Variants in RPS6KA2 observed in about 807,000 individuals in gnomAD.
RPS6KA2 encodes the protein ribosomal protein S6 kinase A2.
RPS6KA2 carries 42 observed loss-of-function variants against 91.8 expected under a neutral mutation model. That is an observed-to-expected ratio of 0.46 (90% CI 0.36 to 0.59). The LOEUF (loss-of-function observed/expected upper bound fraction) is 0.59. RPS6KA2 is among the 20% of genes least tolerant of loss of function. The pLI, the probability that RPS6KA2 is intolerant of heterozygous loss-of-function variation, is 0.00. For synonymous variants in RPS6KA2, 414 were observed against 393.6 expected (o/e 1.05, Z -0.61); for missense variants, 798 against 978.5 (o/e 0.82, Z 2.46).
At position 166,431,518 on chromosome 6, in the gene RPS6KA2, C is replaced by T. The variant is rs1164257741; in HGVS notation, c.1422+883G>A. Reference sequence around the variant, plus strand: ...CCAGGGCGAAGTTACATATCAGAGCCGTGCTGTTGCTTCAGAGAAGCAATA... The same window carrying T: ...CCAGGGCGAAGTTACATATCAGAGCTGTGCTGTTGCTTCAGAGAAGCAATA... On this transcript the variant is annotated intron_variant, in intron 15 of 20. Transcript: ENST00000265678. 7.9e-5 allele frequency among the ~76,000 whole-genome samples: 12 copies of T among 152,184 alleles called. No individual in the cohort carries two copies. The East Asian group carries it at 1.3e-3, about 17-fold the overall frequency.
At chr6:166,521,620 T>C (rs1176927956) in intron 3 of RPS6KA2, among the ~76,000 whole-genome samples, 1 of 152,234 alleles carries the variant, frequency 6.6e-6, no homozygotes, top group Non-Finnish European at 1.5e-5. Context: ...AGGGTGACTG[T>C]GGTCAGGATG....
intron 15 of RPS6KA2, among the ~76,000 whole-genome samples, chr6:166,431,406 A>C (rs1300143352): frequency 6.6e-6 from 1 of 152,174 alleles, no homozygotes; most frequent in East Asian, 1.9e-4. Flanking sequence ...CCGCATTTCT[A>C]ACCAGTTTCC....
intron 1 of RPS6KA2, among the ~76,000 whole-genome samples, chr6:166,859,358 T>C (rs1448553119): frequency 6.6e-6 from 1 of 152,240 alleles, no homozygotes; most frequent in African/African-American, 2.4e-5. Flanking sequence ...TCTCCCATTT[T>C]CTTATCTTGC....
At chr6:166,469,985 G>T in intron 10 of RPS6KA2, 80 bp from the exon 11 acceptor site, 2 of 1,305,304 alleles carry the variant, frequency 1.5e-6, no homozygotes, top group Admixed American at 1.7e-5. Context: ...CAGTGTGGAG[G>T]GTGGGGATGT....
At chr6:166,548,047 A>T (rs1783884520) in intron 1 of RPS6KA2, among the ~76,000 whole-genome samples, 1 of 152,260 alleles carries the variant, frequency 6.6e-6, no homozygotes. Flanking sequence ...AATAAGGAAA[A>T]TGATGATCTA....
intron 2 of RPS6KA2, among the ~76,000 whole-genome samples, chr6:166,746,015 G>A (rs1306756180): frequency 2.0e-5 from 3 of 152,232 alleles, no homozygotes; most frequent in Admixed American, 6.5e-5. Flanking sequence ...CGGTGCTGCT[G>A]TGAGTCTCTA....
chr6:166,720,540 A>G (rs894456776), intron 2 of RPS6KA2, among the ~76,000 whole-genome samples: 3 of 152,240 alleles, frequency 2.0e-5, no homozygotes, highest in African/African-American at 7.2e-5. Flanking sequence ...CTCCCCAAAA[A>G]TAAAAGTGTA....
intron 2 of RPS6KA2, among the ~76,000 whole-genome samples, chr6:166,766,582 G>T (rs79003233): frequency 0.02 from 3,034 of 152,256 alleles, 96 homozygotes; most frequent in African/African-American, 0.069. Flanking sequence ...TTGATGTACT[G>T]TTTTTTCCCC....
intron 1 of RPS6KA2, among the ~76,000 whole-genome samples, chr6:166,591,763 A>G (rs1354026837): frequency 1.3e-5 from 2 of 152,214 alleles, no homozygotes; most frequent in Non-Finnish European, 2.9e-5. Context: ...TGTTCGAGGT[A>G]GTTTCTTACA....
intron 2 of RPS6KA2, among the ~76,000 whole-genome samples, chr6:166,652,794 TC>T (rs1026173158): frequency 3.1e-4 from 47 of 152,200 alleles, no homozygotes; most frequent in African/African-American, 1.1e-3. Flanking sequence ...TCCATCTTAA[TC>T]AGTGTAGAAT....
intron 2 of RPS6KA2, among the ~76,000 whole-genome samples, chr6:166,803,845 A>T (rs1239464830): frequency 6.6e-6 from 1 of 152,236 alleles, no homozygotes; most frequent in African/African-American, 2.4e-5. Context: ...TTTCATTCTA[A>T]AATGGAAATC....
intron 2 of RPS6KA2, among the ~76,000 whole-genome samples, chr6:166,799,838 G>T (rs1165630434): frequency 6.6e-6 from 1 of 151,980 alleles, no homozygotes; most frequent in Admixed American, 6.6e-5. Flanking sequence ...TGATTTCTGC[G>T]ATCTGGGTGC....
At chr6:166,779,996 C>G (rs1778725248) in intron 2 of RPS6KA2, among the ~76,000 whole-genome samples, 1 of 152,204 alleles carries the variant, frequency 6.6e-6, no homozygotes, top group Admixed American at 6.5e-5. Flanking sequence ...GCCAAGATGA[C>G]AGTGCTCCCC....
At chr6:166,702,584 G>C in intron 2 of RPS6KA2, 1 of 1,480,114 alleles carries the variant, frequency 6.8e-7, no homozygotes, top group Non-Finnish European at 9.5e-7. Context: ...GGGATATTTC[G>C]TATCTGAAGT....
chr6:166,701,845 T>C, intron 2 of RPS6KA2: 1 of 891,666 alleles, frequency 1.1e-6, no homozygotes, highest in Non-Finnish European at 1.9e-6. Context: ...TGCCTTTAGC[T>C]GTAATGGTGT....
chr6:166,420,271 C>T (rs1048008796), intron 17 of RPS6KA2, among the ~76,000 whole-genome samples: 3 of 152,124 alleles, frequency 2.0e-5, no homozygotes, highest in African/African-American at 4.8e-5. Flanking sequence ...ATAAAATTGA[C>T]CATCAAAGCC....
intron 1 of RPS6KA2, among the ~76,000 whole-genome samples, chr6:166,546,091 C>G (rs1171874867): frequency 6.6e-6 from 1 of 152,234 alleles, no homozygotes; most frequent in African/African-American, 2.4e-5. Context: ...CTCCGTGACC[C>G]CTTCCACTTC....
intron 10 of RPS6KA2, among the ~76,000 whole-genome samples, chr6:166,482,139 T>C (rs1781247710): frequency 6.6e-6 from 1 of 152,188 alleles, no homozygotes; most frequent in African/African-American, 2.4e-5. Flanking sequence ...TCTGATGAGA[T>C]GGTAGACTGC....
At chr6:166,722,061 C>T (rs1790192333) in intron 2 of RPS6KA2, among the ~76,000 whole-genome samples, 1 of 152,068 alleles carries the variant, frequency 6.6e-6, no homozygotes, top group African/African-American at 2.4e-5. Context: ...ATAACCAGAA[C>T]CAAAATATAA....
Sources: allele counts gnomAD v4.1 joint callset (sites outside exome capture counted in the v4.1 genomes callset), GRCh38; gene constraint gnomAD v4.1.1; transcripts MANE v1.5; gene names NCBI Gene and HGNC (gene_info 2026-07-23, HGNC 2026-07-21).